Variants in NUCB2 observed in about 807,000 individuals in gnomAD.
NUCB2 encodes the protein nucleobindin-2.
NUCB2 carries 48 observed loss-of-function variants against 57.9 expected under a neutral mutation model. The observed-to-expected ratio is 0.83, with a 90% CI of 0.66 to 1.05. The LOEUF is 1.05. NUCB2 is among the 50% of genes least tolerant of loss of function. NUCB2 has a pLI of 0.00. For missense variants in NUCB2, 442 were observed against 476.2 expected (o/e 0.93, Z 0.67); for synonymous variants, 139 against 152.1 (o/e 0.91, Z 0.64).
In NUCB2 at chr11:17,330,396, C is replaced by A; in HGVS notation, c.1173+99C>A. 17 of 666,938 alleles carry A rather than the reference C, an allele frequency of 2.5e-5. No homozygotes were observed. The highest frequency in any genetic ancestry group is 3.9e-5 in the Non-Finnish European group (16 of 411,006). 41.3% of individuals were successfully genotyped at this position (666,938 alleles called of 1,614,324 possible). A position where few individuals can be genotyped will look rare whatever the true frequency, so the allele number is the denominator to read the frequency against. ...ATATTTCATTGTACTATATAGTACA[C>A]TGCTATAGCTATACTATAGTATTTT... On this transcript the variant is annotated intron_variant, in intron 12 of 13. Transcript: ENST00000529010. The surrounding 1 kb of genome is among the most constrained non-coding windows in gnomAD (Gnocchi z 4.3).
intron 8 of NUCB2, 36 bp downstream of exon 8, chr11:17,311,319 G>A (rs775700943): frequency 1.4e-6 from 2 of 1,397,396 alleles, no homozygotes; most frequent in Non-Finnish European, 2.0e-6. Flanking sequence ...ATTTATATCT[G>A]CTGCTTGAAA....
At chr11:17,343,996 T>C (rs1001471612) in intron 2 of NUCB2, among the ~76,000 whole-genome samples, 7 of 152,176 alleles carry the variant, frequency 4.6e-5, no homozygotes, top group Non-Finnish European at 8.8e-5. Flanking sequence ...TGCAGAAAAG[T>C]CAGTTTTTCT....
chr11:17,285,317 A>G (rs1472427740), intron 2 of NUCB2, among the ~76,000 whole-genome samples: 1 of 151,106 alleles, frequency 6.6e-6, no homozygotes, highest in African/African-American at 2.4e-5. Flanking sequence ...GCTCACGCCT[A>G]TAATCCCAGC....
chr11:17,316,926 T>C (rs1949327696), intron 11 of NUCB2, among the ~76,000 whole-genome samples: 2 of 152,220 alleles, frequency 1.3e-5, no homozygotes, highest in Non-Finnish European at 2.9e-5. Context: ...TCTGGGCAAA[T>C]TGGGACAGTT....
At chr11:17,282,258 AT>A (rs71047540) in intron 1 of NUCB2, among the ~76,000 whole-genome samples, 1,582 of 103,126 alleles carry the variant, frequency 0.015, 13 homozygotes, top group Middle Eastern at 0.019. Flanking sequence ...ATATATATAT[AT>A]TTTTTTTTTT....
At position 17,301,836 on chromosome 11, in the gene NUCB2, A is replaced by G. The variant is rs1205268563; in HGVS notation, c.345A>G (p.Arg115=). The G allele has an allele frequency of 6.2e-7, 1 of 1,613,638 alleles. No individual in the cohort carries two copies. Among genetic ancestry groups the G allele is most frequent in the East Asian group, 2.2e-5 (1 of 44,880 alleles). The part of the protein sequence containing the change: ...ELKRQEVGRL[R]MLIKAKLDSL... Reference sequence around the variant, plus strand: ...AAAGGCAAGAAGTAGGAAGGTTAAGAATGTTAATTAAAGCTAAGTTGGATT... The same window carrying G: ...AAAGGCAAGAAGTAGGAAGGTTAAGGATGTTAATTAAAGCTAAGTTGGATT... Residue 115 remains arginine (R), a synonymous_variant, in exon 5 of 14, where the codon AGA becomes AGG. Transcript: ENST00000529010.
At chr11:17,312,664 A>G (rs1355803901) in intron 10 of NUCB2, among the ~76,000 whole-genome samples, 1 of 151,122 alleles carries the variant, frequency 6.6e-6, no homozygotes, top group Non-Finnish European at 1.5e-5. Context: ...TGGCCTCCCA[A>G]AGTGCTGGGA....
chr11:17,337,015 A>G (rs1951874675), downstream of NUCB2, among the ~76,000 whole-genome samples: 1 of 151,706 alleles, frequency 6.6e-6, no homozygotes, highest in African/African-American at 2.4e-5. Flanking sequence ...ATCATAACTC[A>G]CTATAGTCTC....
At chr11:17,277,792 T>A (rs1213953059) in intron 1 of NUCB2, among the ~76,000 whole-genome samples, 2 of 152,198 alleles carry the variant, frequency 1.3e-5, no homozygotes, top group African/African-American at 2.4e-5. Flanking sequence ...TTGTGGACTT[T>A]CCCTATGGGA....
At chr11:17,311,413 G>T (rs1027264918) in intron 8 of NUCB2, 130 bp downstream of exon 8, 6 of 635,322 alleles carry the variant, frequency 9.4e-6, no homozygotes, top group Non-Finnish European at 1.6e-5. Flanking sequence ...GTTTTTCTAG[G>T]GTAATATGAT....
At chr11:17,318,346 C>T (rs908842000) in intron 11 of NUCB2, among the ~76,000 whole-genome samples, 2 of 151,886 alleles carry the variant, frequency 1.3e-5, no homozygotes, top group Non-Finnish European at 2.9e-5. Flanking sequence ...AAAATACATT[C>T]AATATCATAT....
At chr11:17,303,408 A>G (rs1947088082) in intron 5 of NUCB2, among the ~76,000 whole-genome samples, 1 of 152,204 alleles carries the variant, frequency 6.6e-6, no homozygotes, top group South Asian at 2.1e-4. Context: ...AATATTATAA[A>G]TCATCATATA....
At chr11:17,307,115 G>A (rs1260219581) in intron 5 of NUCB2, among the ~76,000 whole-genome samples, 2 of 151,992 alleles carry the variant, frequency 1.3e-5, no homozygotes, top group African/African-American at 4.8e-5. Context: ...TGTTGCCCAG[G>A]CTGGTCTTGA....
intron 5 of NUCB2, among the ~76,000 whole-genome samples, chr11:17,303,873 A>G (rs1947175671): frequency 6.7e-6 from 1 of 148,708 alleles, no homozygotes; most frequent in African/African-American, 2.5e-5. Flanking sequence ...CGACAGAGCG[A>G]GACTCCATCT....
chr11:17,297,845 A>G (rs1005314815), intron 4 of NUCB2, among the ~76,000 whole-genome samples: 1 of 152,270 alleles, frequency 6.6e-6, no homozygotes, highest in East Asian at 1.9e-4. Flanking sequence ...GCACTTTGGG[A>G]GGCTGAGGCA....
chr11:17,324,800 T>G (rs543764649), intron 11 of NUCB2, among the ~76,000 whole-genome samples: 3 of 151,454 alleles, frequency 2.0e-5, no homozygotes, highest in Non-Finnish European at 4.4e-5. Context: ...ATTTATTTAT[T>G]TATTTATTTA....
chr11:17,293,267 A>G (rs1945245048), intron 2 of NUCB2, among the ~76,000 whole-genome samples: 3 of 151,994 alleles, frequency 2.0e-5, no homozygotes, highest in African/African-American at 2.4e-5. Context: ...AAAAAAAAAA[A>G]AAAAAGATGT....
chr11:17,281,009 C>T (rs1242294006), intron 1 of NUCB2, among the ~76,000 whole-genome samples: 3 of 152,114 alleles, frequency 2.0e-5, no homozygotes, highest in Non-Finnish European at 4.4e-5. Context: ...CCAATGTACT[C>T]CAGCCTGGGT....
intron 5 of NUCB2, among the ~76,000 whole-genome samples, chr11:17,303,559 A>G (rs1273536081): frequency 6.6e-6 from 1 of 152,210 alleles, no homozygotes; most frequent in Non-Finnish European, 1.5e-5. Context: ...TTAAATAGCT[A>G]TGTAATAGAA....
Sources: allele counts gnomAD v4.1 joint callset (sites outside exome capture counted in the v4.1 genomes callset), GRCh38; gene constraint gnomAD v4.1.1; non-coding constraint Gnocchi (gnomAD v3.1); transcripts MANE v1.5; gene names NCBI Gene and HGNC (gene_info 2026-07-23, HGNC 2026-07-21).